IFT122: variants seen among roughly 807,000 people sequenced by gnomAD.
IFT122 encodes the protein intraflagellar transport protein 122 homolog.
In IFT122, 118 loss-of-function variants were observed where a neutral mutation model predicts 161.6. That is an observed-to-expected ratio of 0.73 (90% CI 0.63 to 0.85). IFT122 has a LOEUF of 0.85. IFT122 is among the 40% of genes least tolerant of loss of function. The pLI is 0.00. For missense variants in IFT122, 1,381 were observed against 1,579.6 expected (o/e 0.87, Z 2.13); for synonymous variants, 550 against 602.4 (o/e 0.91, Z 1.27).
intron 11 of IFT122, among the ~76,000 whole-genome samples, chr3:129,477,394 T>C (rs953690846): frequency 2.0e-5 from 3 of 152,232 alleles, no homozygotes; most frequent in African/African-American, 7.2e-5. Context: ...TGTATTCATA[T>C]CTGGATGTGC....
rs150174636 is a variant in IFT122, at chr3:129,483,544, G to A, written c.1713G>A (p.Ser571=). The A allele has an allele frequency of 6.2e-6, 10 of 1,614,046 alleles. No individual in the cohort carries two copies. The highest frequency in any genetic ancestry group is 5.3e-5 in the African/African-American group (4 of 75,004). The change falls in exon 15 of 30, where the codon TCG becomes TCA. Residue 571 remains serine (S), a synonymous_variant. Coordinates refer to ENST00000348417, the MANE Select transcript of IFT122 (RefSeq NM_052989.3). Reference sequence around the variant, plus strand: ...AGTGTGAGGACATGCTCTGCTTCTCGGGAGGAGGCTACCTCAACATCAAAG... The same window carrying A: ...AGTGTGAGGACATGCTCTGCTTCTCAGGAGGAGGCTACCTCAACATCAAAG... ...NTQCEDMLCF[S]GGGYLNIKAS...
At chr3:129,499,583 G>A (rs1217506925) in intron 18 of IFT122, among the ~76,000 whole-genome samples, 3 of 152,202 alleles carry the variant, frequency 2.0e-5, no homozygotes, top group South Asian at 2.1e-4. Flanking sequence ...CAGACTTCAT[G>A]TGCAGTGCCC....
chr3:129,496,947 C>T (rs1182229704), intron 18 of IFT122, among the ~76,000 whole-genome samples: 2 of 152,164 alleles, frequency 1.3e-5, no homozygotes, highest in Non-Finnish European at 2.9e-5. Context: ...GTTGGGAACC[C>T]CTGAGGCCTC....
rs776327835 is a variant in IFT122 at position 129,476,809 on chromosome 3, GCAGGTC to G, written c.1147+12_1147+17del. 3.1e-6 allele frequency: 5 copies of G among 1,614,034 alleles called. No individual in the cohort carries two copies. The Middle Eastern group carries it at 6.6e-4, about 214-fold the overall frequency. On this transcript the variant is annotated intron_variant, in intron 11 of 29. Coordinates refer to ENST00000348417, the MANE Select transcript of IFT122 (RefSeq NM_052989.3). ...TGATCACTGAGCAGAAAGGTAAGAG[GCAGGTC>G]CAGACCTTGGGAAGAGGGACAGGTG...
chr3:129,491,021 T>C (rs1422575319), intron 16 of IFT122, among the ~76,000 whole-genome samples: 1 of 152,190 alleles, frequency 6.6e-6, no homozygotes, highest in Non-Finnish European at 1.5e-5. Context: ...CATGATCTGT[T>C]TAATTGACCA....
At chr3:129,497,078 C>T (rs1577916126) in intron 18 of IFT122, among the ~76,000 whole-genome samples, 2 of 152,052 alleles carry the variant, frequency 1.3e-5, no homozygotes, top group South Asian at 2.1e-4. Context: ...CTCAGGAGGT[C>T]GAGACCAGCC....
chr3:129,498,676 G>A (rs2081182398), intron 18 of IFT122, among the ~76,000 whole-genome samples: 1 of 152,202 alleles, frequency 6.6e-6, no homozygotes. Flanking sequence ...AATTGTTCAA[G>A]TGGATTTTTA....
rs769225639 is a variant in IFT122 at position 129,514,515 on chromosome 3, T to G, written c.3114T>G (p.Gly1038=). 3 of 1,614,096 alleles carry G rather than the reference T, an allele frequency of 1.9e-6. No individual in the cohort carries two copies. The highest frequency in any genetic ancestry group is 8.5e-7 in the Non-Finnish European group (1 of 1,180,042). Residue 1038 remains glycine, a synonymous_variant, in exon 25 of 30, where the codon GGT becomes GGG. Coordinates refer to ENST00000348417, the MANE Select transcript of IFT122 (RefSeq NM_052989.3). ...GATTCCAAAAGTCCATTGAGCTGGG[T>G]ACCCTGACCATCCGCGCCAAGCCCT... ...PARFQKSIEL[G]TLTIRAKPFH... is the part of the protein sequence containing the mutation.
chr3:129,483,755 G>T, intron 15 of IFT122, 73 bp downstream of exon 15: 1 of 1,359,828 alleles, frequency 7.4e-7, no homozygotes, highest in Non-Finnish European at 1.0e-6. Context: ...CCCTTTGCTG[G>T]TGCTTTGGGG....
chr3:129,481,242 T>A, intron 13 of IFT122: 1 of 407,704 alleles, frequency 2.5e-6, no homozygotes, highest in Non-Finnish European at 4.7e-6. Context: ...GTTTGGGTAA[T>A]GTCATCAACA....
At chr3:129,486,612 T>TG (rs1047378097) in intron 15 of IFT122, among the ~76,000 whole-genome samples, 1 of 151,506 alleles carries the variant, frequency 6.6e-6, no homozygotes, top group African/African-American at 2.4e-5. Flanking sequence ...AAAGGAAGAG[T>TG]GGAGCAGGGA....
intron 18 of IFT122, among the ~76,000 whole-genome samples, chr3:129,498,620 T>C (rs913284124): frequency 1.3e-5 from 2 of 152,162 alleles, no homozygotes; most frequent in African/African-American, 2.4e-5. Context: ...CCTAATACTC[T>C]GAAAGCACAT....
At chr3:129,460,165 T>G (rs138327589) in intron 4 of IFT122, among the ~76,000 whole-genome samples, 50 of 152,310 alleles carry the variant, frequency 3.3e-4, no homozygotes, top group Middle Eastern at 3.4e-3. Flanking sequence ...TCTCCCAAAC[T>G]CTTTTATCCT....
intron 19 of IFT122, among the ~76,000 whole-genome samples, chr3:129,500,986 A>G (rs73865463): frequency 0.011 from 1,734 of 152,224 alleles, 21 homozygotes; most frequent in African/African-American, 0.04. Flanking sequence ...CAAGTGGCCC[A>G]TCCCAGGGTG....
chr3:129,445,162 C>T (rs1446917895), intron 1 of IFT122, among the ~76,000 whole-genome samples: 1 of 151,962 alleles, frequency 6.6e-6, no homozygotes, highest in African/African-American at 2.4e-5. Flanking sequence ...CCTGTCTTTA[C>T]CAAAAATACA....
At chr3:129,479,540 C>T (rs1296533315) in intron 12 of IFT122, among the ~76,000 whole-genome samples, 1 of 152,128 alleles carries the variant, frequency 6.6e-6, no homozygotes, top group East Asian at 1.9e-4. Flanking sequence ...TTGAGTGCTG[C>T]CTCTGGCCTA....
chr3:129,516,725 C>CACAG (rs1321814514), intron 26 of IFT122, among the ~76,000 whole-genome samples: 8 of 89,702 alleles, frequency 8.9e-5, no homozygotes, highest in South Asian at 4.1e-4. Flanking sequence ...CACACACACA[C>CACAG]AGAGAGACTG....
intron 1 of IFT122, among the ~76,000 whole-genome samples, chr3:129,446,228 G>GTT (rs879881783): frequency 6.9e-6 from 1 of 144,198 alleles, no homozygotes; most frequent in Admixed American, 6.9e-5. Flanking sequence ...TAGGTTTTTT[G>GTT]TTTTTTTTTT....
intron 18 of IFT122, 147 bp from the exon 19 acceptor site, chr3:129,499,755 A>G (rs910494338): frequency 2.1e-5 from 18 of 878,018 alleles, no homozygotes; most frequent in African/African-American, 1.8e-4. Context: ...GACTCCCCCA[A>G]CTCAGCCCCT....
Sources: gnomAD v4.1 joint callset for allele counts (sites outside exome capture counted in the v4.1 genomes callset) on GRCh38, gnomAD v4.1.1 for gene constraint, MANE v1.5 for transcripts, NCBI Gene and HGNC (gene_info 2026-07-23, HGNC 2026-07-21) for gene names.